TTC27: variants seen among roughly 807,000 people sequenced by gnomAD.
TTC27 encodes tetratricopeptide repeat domain 27.
In TTC27, 79 loss-of-function variants were observed where a neutral mutation model predicts 115.9. The ratio of observed to expected loss-of-function variants is 0.68; its 90% CI spans 0.57 to 0.82. The LOEUF (loss-of-function observed/expected upper bound fraction) is 0.82. Ranked by LOEUF, TTC27 falls within the 40% of genes least tolerant of loss-of-function variation. TTC27 has a pLI of 0.00. For synonymous variants in TTC27, 401 were observed against 356.0 expected, an observed-to-expected ratio of 1.13 and a Z score of -1.42; for missense variants, 1,054 against 993.1, an observed-to-expected ratio of 1.06 and a Z score of -0.82.
chr2:32,679,962 ACAG>A (rs1666360858), intron 9 of TTC27, among the ~76,000 whole-genome samples: 1 of 152,210 alleles, frequency 6.6e-6, no homozygotes, highest in Admixed American at 6.5e-5. Context: ...AGCCTGGGTG[ACAG>A]AGAGCAAGAC....
At chr2:32,795,228 A>G (rs1201599117) in intron 16 of TTC27, among the ~76,000 whole-genome samples, 2 of 151,938 alleles carry the variant, frequency 1.3e-5, no homozygotes, top group Admixed American at 1.3e-4. Context: ...ATTCACTAGC[A>G]TATTAAAAGG....
In TTC27 at chr2:32,715,205, G is replaced by T. The variant is rs1313432149; in HGVS notation, c.1233+12285G>T. 4.6e-5 allele frequency among the ~76,000 whole-genome samples: 7 copies of T among 152,158 alleles called. 1 individual carries two copies. The highest frequency in any genetic ancestry group is 4.6e-4 in the Admixed American group (7 of 15,276). On this transcript the variant is annotated intron_variant, in intron 10 of 19. Coordinates refer to ENST00000317907, the MANE Select transcript of TTC27 (RefSeq NM_017735.5). The stretch of plus-strand genomic sequence containing the variant: ...ATCTTCCAGGGATTTTATAGTTTTT[G>T]GTTTTACATTTAAGTCTTTAATCCA...
intron 16 of TTC27, among the ~76,000 whole-genome samples, chr2:32,801,025 G>T (rs983613827): frequency 6.6e-6 from 1 of 152,164 alleles, no homozygotes; most frequent in Admixed American, 6.5e-5. Flanking sequence ...CAGTGAGTGG[G>T]GTACTGTAGG....
intron 9 of TTC27, among the ~76,000 whole-genome samples, chr2:32,696,872 T>C (rs1667004757): frequency 4.6e-5 from 7 of 152,218 alleles, no homozygotes; most frequent in Admixed American, 4.6e-4. Context: ...GTTCCTGTTA[T>C]TCCTTGATGT....
chr2:32,812,365 G>A (rs1572635780), intron 17 of TTC27, 139 bp from the exon 18 acceptor site: 2 of 554,526 alleles, frequency 3.6e-6, no homozygotes. Context: ...CTTCTTTGGT[G>A]AGAGTAATAG....
At chr2:32,790,931 A>G (rs1417139461) in intron 16 of TTC27, among the ~76,000 whole-genome samples, 5 of 152,210 alleles carry the variant, frequency 3.3e-5, no homozygotes, top group Admixed American at 6.5e-5. Context: ...CTTACCTATT[A>G]GAATATCTCT....
intron 9 of TTC27, among the ~76,000 whole-genome samples, chr2:32,691,488 G>T (rs151027001): frequency 6.6e-6 from 1 of 151,764 alleles, no homozygotes; most frequent in African/African-American, 2.4e-5. Context: ...TAGTAGAGAC[G>T]GGGTTTCATC....
At chr2:32,812,412 A>C (rs933448055) in intron 17 of TTC27, 92 bp from the exon 18 acceptor site, 2 of 915,518 alleles carry the variant, frequency 2.2e-6, no homozygotes, top group South Asian at 1.5e-5. Context: ...GCTTTTTCAC[A>C]TTGGAATTAG....
intron 12 of TTC27, among the ~76,000 whole-genome samples, chr2:32,749,390 A>G (rs944853591): frequency 1.3e-5 from 2 of 152,202 alleles, no homozygotes; most frequent in South Asian, 2.1e-4. Flanking sequence ...GTTTTCACGA[A>G]GATTGCAGGC....
In TTC27 at chr2:32,664,316, G is replaced by T. The variant is rs1403555931; in HGVS notation, c.654G>T (p.Gln218His). The T allele has an allele frequency of 6.3e-7, 1 of 1,598,002 alleles. No individual in the cohort carries two copies. Among genetic ancestry groups the T allele is most frequent in the Non-Finnish European group, 8.5e-7 (1 of 1,173,244 alleles). ...ENCIDQVMKLQNLFVDDSGRY... is the reference protein window; with the variant it reads ...ENCIDQVMKLHNLFVDDSGRY... Reference sequence around the variant, plus strand: ...TTTGTCTTGCAGTGATGAAACTACAGAATCTGTTTGTAGATGATTCAGGTC... The same window carrying T: ...TTTGTCTTGCAGTGATGAAACTACATAATCTGTTTGTAGATGATTCAGGTC... Residue 218 changes from glutamine (Q) to histidine (H), a missense_variant, in exon 6 of 20, where the codon CAG becomes CAT. Coordinates refer to ENST00000317907, the MANE Select transcript of TTC27 (RefSeq NM_017735.5).
intron 9 of TTC27, among the ~76,000 whole-genome samples, chr2:32,693,667 C>T (rs1666887828): frequency 6.6e-6 from 1 of 152,220 alleles, no homozygotes; most frequent in Non-Finnish European, 1.5e-5. Flanking sequence ...CTTACCCCTA[C>T]ATCATACTGT....
intron 10 of TTC27, among the ~76,000 whole-genome samples, chr2:32,727,250 A>G (rs1416982974): frequency 6.6e-6 from 1 of 152,208 alleles, no homozygotes; most frequent in African/African-American, 2.4e-5. Context: ...ATATTAATGC[A>G]TGTAGTTTTA....
chr2:32,709,201 C>G (rs1667489566), intron 10 of TTC27, among the ~76,000 whole-genome samples: 1 of 152,154 alleles, frequency 6.6e-6, no homozygotes, highest in Non-Finnish European at 1.5e-5. Context: ...TAAATATATG[C>G]CCCTCCAAGA....
At chr2:32,634,683 G>C (rs1664344635) in intron 3 of TTC27, among the ~76,000 whole-genome samples, 1 of 151,516 alleles carries the variant, frequency 6.6e-6, no homozygotes, top group Non-Finnish European at 1.5e-5. Flanking sequence ...TTGAGACAGA[G>C]TCTTGCTCTG....
At chr2:32,662,905 T>C (rs1002850267) in intron 5 of TTC27, among the ~76,000 whole-genome samples, 16 of 152,202 alleles carry the variant, frequency 1.1e-4, no homozygotes, top group Admixed American at 1.3e-4. Context: ...CTTTCTCCTA[T>C]GAGCATTTAG....
Position 32,723,987 on chromosome 2 carries a change from T to A in TTC27, c.1234-9841T>A, listed in dbSNP as rs1227939998. Among the ~76,000 whole-genome samples the A allele has an allele frequency of 2.7e-5, 4 of 148,934 alleles. 1 individual carries two copies. In the Admixed American group the frequency reaches 2.7e-4, roughly 10 times the overall value. On this transcript the variant is annotated intron_variant, in intron 10 of 19. Transcript: ENST00000317907. ...ATACATAAGCTTTTTTTTTTTTTTT[T>A]TATAGAAAGGATAATACTAAGAGTT...
At chr2:32,682,241 A>G (rs1666457648) in intron 9 of TTC27, among the ~76,000 whole-genome samples, 1 of 152,136 alleles carries the variant, frequency 6.6e-6, no homozygotes. Context: ...ACTTGGTTCC[A>G]TAATTTAGGT....
rs757891501 is a variant in TTC27 at position 32,664,388 on chromosome 2, A to G, written c.726A>G (p.Leu242=). Residue 242 remains leucine (L), a synonymous_variant, in exon 6 of 20, where the codon TTA becomes TTG. Transcript: ENST00000317907. ...ATCTGGAATGTGCATATGTGTTTTT[A>G]TATTATTATGAGTACAGAAAAGCAA... ...QFHLECAYVF[L]YYYEYRKAKD... is the part of the protein sequence containing the mutation. The G allele has an allele frequency of 2.5e-6, 4 of 1,612,618 alleles. No individual in the cohort carries two copies. Among genetic ancestry groups the G allele is most frequent in the East Asian group, 2.2e-5 (1 of 44,722 alleles).
intron 17 of TTC27, among the ~76,000 whole-genome samples, chr2:32,811,899 A>G (rs956257937): frequency 6.6e-6 from 1 of 151,852 alleles, no homozygotes; most frequent in East Asian, 2.0e-4. Context: ...AATCTGTGGG[A>G]TTCTTAGCCA....
Sources: allele counts gnomAD v4.1 joint callset (sites outside exome capture counted in the v4.1 genomes callset), GRCh38; gene constraint gnomAD v4.1.1; transcripts MANE v1.5; gene names NCBI Gene and HGNC (gene_info 2026-07-23, HGNC 2026-07-21).